MICAL3: variants seen among roughly 807,000 people sequenced by gnomAD.
MICAL3 encodes the protein microtubule associated monooxygenase, calponin and LIM domain containing 3.
MICAL3 carries 62 observed loss-of-function variants against 207.4 expected under a neutral mutation model. The ratio of observed to expected loss-of-function variants is 0.30; its 90% CI spans 0.24 to 0.37. The LOEUF (loss-of-function observed/expected upper bound fraction) is 0.37, where lower values mean the gene tolerates loss of function less well. Ranked by LOEUF, MICAL3 falls within the 10% of genes least tolerant of loss-of-function variation. MICAL3 has a pLI of 1.00. For synonymous variants in MICAL3, 1,077 were observed against 1,069.3 expected (o/e 1.01, Z -0.14); for missense variants, 2,368 against 2,635.6 (o/e 0.90, Z 2.22).
chr22:17,963,123 C>A (rs1301970426), intron 1 of MICAL3, among the ~76,000 whole-genome samples: 1 of 152,070 alleles, frequency 6.6e-6, no homozygotes, highest in African/African-American at 2.4e-5. Context: ...GATTTACTTA[C>A]TTATTTTTGA....
At chr22:17,967,486 A>ACACACC (rs1556491355) in intron 1 of MICAL3, among the ~76,000 whole-genome samples, 11,607 of 145,552 alleles carry the variant, frequency 0.08, 540 homozygotes, top group East Asian at 0.2. Flanking sequence ...ACACACACAC[A>ACACACC]CACACACCCA....
Position 17,831,885 on chromosome 22 carries a change from GTCC to G in MICAL3, c.3021_3023del (p.Glu1007del), listed in dbSNP as rs760185093. The G allele has an allele frequency of 1.6e-4, 247 of 1,553,080 alleles. No homozygotes were observed. The African/African-American group carries it at 1.6e-3, about 10-fold the overall frequency. ...TGGACTCTTCCTCCTCCTCGTCATA[GTCC>G]TCCTCCTCCTCCTCTTCATATTCTT... On this transcript the variant is annotated inframe_deletion, in exon 21 of 32. Coordinates refer to ENST00000441493, the MANE Select transcript of MICAL3 (RefSeq NM_015241.3).
rs574353892 is a variant in MICAL3 at position 17,790,086 on chromosome 22, C to A, written c.*646G>T. 6.6e-6 allele frequency: 1 copy of A among 152,372 alleles called. No individual in the cohort carries two copies. Among genetic ancestry groups the A allele is most frequent in the South Asian group, 2.1e-4 (1 of 4,832 alleles). 9.4% of individuals were successfully genotyped at this position (152,372 alleles called of 1,614,324 possible). A position where few individuals can be genotyped will look rare whatever the true frequency, so the allele number is the denominator to read the frequency against. On this transcript the variant is annotated 3_prime_UTR_variant, in exon 32 of 32. Transcript: ENST00000441493. ...GCAACCCACAAGCCTCAGGCCACAG[C>A]CAGCAAGCGGCCCAGGCATTTGGCC...
intron 27 of MICAL3, chr22:17,815,305 A>C (rs906957512): frequency 2.6e-5 from 4 of 152,228 alleles, no homozygotes; most frequent in African/African-American, 9.7e-5. Flanking sequence ...TCATGGATGG[A>C]GAAGCAGTGG....
intron 18 of MICAL3, 28 bp downstream of exon 18, chr22:17,865,896 C>T (rs1158840439): frequency 1.9e-6 from 3 of 1,578,032 alleles, no homozygotes; most frequent in Non-Finnish European, 2.6e-6. Flanking sequence ...CACTGCTTCT[C>T]CCCCACTTAC....
At chr22:17,938,571 T>C (rs1933656895) in intron 1 of MICAL3, among the ~76,000 whole-genome samples, 2 of 152,200 alleles carry the variant, frequency 1.3e-5, no homozygotes, top group Admixed American at 1.3e-4. Context: ...GGCAGACCAC[T>C]GTGCTGCACT....
chr22:17,845,286 A>C (rs1569091726), intron 19 of MICAL3, among the ~76,000 whole-genome samples: 1 of 152,236 alleles, frequency 6.6e-6, no homozygotes, highest in Admixed American at 6.5e-5. Context: ...AGAGTGAACG[A>C]AACTTGGGAA....
At chr22:17,833,333 A>C (rs953620464) in intron 20 of MICAL3, among the ~76,000 whole-genome samples, 23 of 152,208 alleles carry the variant, frequency 1.5e-4, no homozygotes, top group Non-Finnish European at 2.4e-4. Context: ...GCCGGGGGAA[A>C]TCAGCTTTCA....
intron 1 of MICAL3, among the ~76,000 whole-genome samples, chr22:17,981,276 G>A (rs980908371): frequency 6.8e-6 from 1 of 147,566 alleles, no homozygotes; most frequent in Non-Finnish European, 1.5e-5. Context: ...CTCCCAGAAT[G>A]CTTTCCTAGA....
At chr22:17,911,501 A>G (rs1476192934) in intron 1 of MICAL3, among the ~76,000 whole-genome samples, 1 of 152,158 alleles carries the variant, frequency 6.6e-6, no homozygotes, top group Non-Finnish European at 1.5e-5. Context: ...CCCCTAGCCC[A>G]TTCAGTCAGA....
intron 1 of MICAL3, among the ~76,000 whole-genome samples, chr22:18,002,517 C>A (rs1453705842): frequency 6.6e-6 from 1 of 151,970 alleles, no homozygotes; most frequent in Non-Finnish European, 1.5e-5. Flanking sequence ...TCTGTAATCT[C>A]AGCTACTTAG....
rs558169220 is a variant in MICAL3, at chr22:17,975,162, T to C, written c.-75+49119A>G. ...TTGTGATCACAAACCCACAAGAAAA[T>C]GGTTCTAAGTTCTGCAGAAGGGAAA... On this transcript the variant is annotated intron_variant, in intron 1 of 31. Coordinates refer to ENST00000441493, the MANE Select transcript of MICAL3 (RefSeq NM_015241.3). Among the ~76,000 whole-genome samples, 12 of 152,156 alleles carry C rather than the reference T, an allele frequency of 7.9e-5. 1 individual carries two copies. The highest frequency in any genetic ancestry group is 2.4e-4 in the African/African-American group (10 of 41,508).
At chr22:17,853,749 T>C (rs572801045) in intron 19 of MICAL3, among the ~76,000 whole-genome samples, 3 of 152,310 alleles carry the variant, frequency 2.0e-5, no homozygotes, top group South Asian at 2.1e-4. Flanking sequence ...GCTGGTTCCA[T>C]TGAGACCCAG....
intron 1 of MICAL3, among the ~76,000 whole-genome samples, chr22:17,959,323 G>T (rs533711669): frequency 6.8e-6 from 1 of 146,790 alleles, no homozygotes; most frequent in South Asian, 2.2e-4. Flanking sequence ...CCATCGGCCT[G>T]GGTTTTTTTG....
At position 17,846,090 on chromosome 22, in the gene MICAL3, C is replaced by T. The variant is rs376178996; in HGVS notation, c.2606-4073G>A. Among the ~76,000 whole-genome samples the T allele has an allele frequency of 6.9e-4, 105 of 152,338 alleles. 2 individuals carry two copies. The highest frequency in any genetic ancestry group is 2.4e-3 in the African/African-American group (101 of 41,580). On this transcript the variant is annotated intron_variant, in intron 19 of 31. Coordinates refer to ENST00000441493, the MANE Select transcript of MICAL3 (RefSeq NM_015241.3). ...CTGGGAACTGTTCAGATCCTTCACA[C>T]GCCAGTCCCTGGAGAAAGCCTGCAG...
At chr22:17,890,635 C>T (rs1238449937) in intron 12 of MICAL3, among the ~76,000 whole-genome samples, 5 of 152,192 alleles carry the variant, frequency 3.3e-5, no homozygotes, top group Non-Finnish European at 7.3e-5. Flanking sequence ...CCAGCTCTTG[C>T]CTTGTCAGTT....
intron 17 of MICAL3, among the ~76,000 whole-genome samples, chr22:17,870,012 G>A (rs116442125): frequency 0.018 from 2,799 of 152,186 alleles, 93 homozygotes; most frequent in African/African-American, 0.063. Context: ...CTAAAACTTC[G>A]GTGCCCCTAA....
intron 1 of MICAL3, among the ~76,000 whole-genome samples, chr22:17,987,480 C>T (rs1921156833): frequency 6.6e-6 from 1 of 152,220 alleles, no homozygotes; most frequent in Admixed American, 6.5e-5. Flanking sequence ...CCTGCTCTCC[C>T]TCTAGGCCAC....
intron 7 of MICAL3, 52 bp from the exon 8 acceptor site, chr22:17,897,033 C>G: frequency 6.4e-7 from 1 of 1,555,432 alleles, no homozygotes; most frequent in Non-Finnish European, 8.7e-7. Flanking sequence ...GGCACTCAGC[C>G]AGAACCATGT....
Sources: allele counts gnomAD v4.1 joint callset (sites outside exome capture counted in the v4.1 genomes callset), GRCh38; gene constraint gnomAD v4.1.1; transcripts MANE v1.5; gene names NCBI Gene and HGNC (gene_info 2026-07-23, HGNC 2026-07-21).